The following LHPP variants were observed in gnomAD, a reference collection of about 807,000 sequenced individuals.
LHPP encodes hLHPP.
In LHPP, 24 loss-of-function variants were observed where a neutral mutation model predicts 30.3. The ratio of observed to expected loss-of-function variants is 0.79; its 90% CI spans 0.57 to 1.11. The LOEUF (loss-of-function observed/expected upper bound fraction) is 1.11, where lower values mean the gene tolerates loss of function less well. Among genes scored for constraint, LHPP ranks in the 50% most tolerant of loss-of-function variants. The pLI is 0.00. For synonymous variants in LHPP, 150 were observed against 157.1 expected, an observed-to-expected ratio of 0.95 and a Z score of 0.34; for missense variants, 356 against 367.2, an observed-to-expected ratio of 0.97 and a Z score of 0.25.
At chr10:124,526,011 G>A (rs1954723442) in intron 6 of LHPP, 2 of 176,092 alleles carry the variant, frequency 1.1e-5, no homozygotes, top group South Asian at 1.9e-4. Flanking sequence ...GGCCCAGAAG[G>A]TAGGACCCCT....
In LHPP at chr10:124,590,210, G is replaced by GT; in HGVS notation, c.717-23053dup. 6.6e-6 allele frequency among the ~76,000 whole-genome samples: 1 copy of GT among 152,254 alleles called. No individual in the cohort carries two copies. The highest frequency in any genetic ancestry group is 1.9e-4 in the East Asian group (1 of 5,174). On this transcript the variant is annotated intron_variant, in intron 6 of 6. Transcript: ENST00000368842. This position sits in a 1 kb window ranked among gnomAD's most constrained non-coding sequence, Gnocchi z 4.3. Reference sequence around the variant, plus strand: ...TGAAATTGAAGTGGGAGAACATGGTGTGTGAGCATTATTGGGGGTGGGGTG... The same window carrying GT: ...TGAAATTGAAGTGGGAGAACATGGTGTTGTGAGCATTATTGGGGGTGGGGTG...
rs1948887563 is a variant in LHPP at position 124,592,052 on chromosome 10, G to A, written c.717-21212G>A. Among the ~76,000 whole-genome samples, 1 of 152,158 alleles carries A rather than the reference G, an allele frequency of 6.6e-6. No individual in the cohort carries two copies. The highest frequency in any genetic ancestry group is 1.5e-5 in the Non-Finnish European group (1 of 68,026). On this transcript the variant is annotated intron_variant, in intron 6 of 6. Transcript: ENST00000368842. The surrounding 1 kb of genome is among the most constrained non-coding windows in gnomAD (Gnocchi z 6.2). ...CAAGTTTATATGGACAAATAAGCAA[G>A]TAAAATTAGTTAGGAAATCAAATAT... is the stretch of plus-strand genomic sequence containing the variant.
intron 6 of LHPP, among the ~76,000 whole-genome samples, chr10:124,587,022 TAC>T (rs368016500): frequency 2.1e-5 from 3 of 139,870 alleles, no homozygotes; most frequent in Non-Finnish European, 4.6e-5. Flanking sequence ...TAGTGCTTGC[TAC>T]TTTTTTTTTT....
Position 124,593,620 on chromosome 10 carries a change from T to C in LHPP, c.717-19644T>C, listed in dbSNP as rs372805910. ...AGTGGCCCCGAGTGAGGCACCACCA[T>C]GGACCTGATGGGCAGATCCCCCAGG... On this transcript the variant is annotated intron_variant, in intron 6 of 6. Coordinates refer to ENST00000368842, the MANE Select transcript of LHPP (RefSeq NM_022126.4). The surrounding 1 kb of genome is among the most constrained non-coding windows in gnomAD (Gnocchi z 4.9). Among the ~76,000 whole-genome samples the C allele has an allele frequency of 3.3e-5, 5 of 152,208 alleles. No homozygotes were observed. The South Asian group carries it at 8.3e-4, about 25-fold the overall frequency.
chr10:124,476,624 T>G (rs908135549), intron 1 of LHPP, among the ~76,000 whole-genome samples: 21 of 152,294 alleles, frequency 1.4e-4, no homozygotes, highest in African/African-American at 4.8e-4. Context: ...CAAGCTGGTG[T>G]GCTTCATGGT....
At chr10:124,605,870 A>C (rs1252441735) in intron 6 of LHPP, among the ~76,000 whole-genome samples, 1 of 151,750 alleles carries the variant, frequency 6.6e-6, no homozygotes, top group Non-Finnish European at 1.5e-5. Flanking sequence ...GGAAGGGAAC[A>C]GGCTTCAGCA....
At chr10:124,469,167 C>T (rs562285664) in intron 1 of LHPP, among the ~76,000 whole-genome samples, 25 of 152,088 alleles carry the variant, frequency 1.6e-4, no homozygotes, top group African/African-American at 5.8e-4. Context: ...TGAGACCAGC[C>T]GCCGCAGAGG....
intron 6 of LHPP, among the ~76,000 whole-genome samples, chr10:124,534,606 A>T (rs938141044): frequency 1.3e-5 from 2 of 152,234 alleles, no homozygotes. Flanking sequence ...AAAGCGGATC[A>T]CGTGAGGGGC....
rs1948940493 is a variant in LHPP, at chr10:124,596,225, A to G, written c.717-17039A>G. 6.6e-6 allele frequency among the ~76,000 whole-genome samples: 1 copy of G among 151,254 alleles called. No individual in the cohort carries two copies. Reference sequence around the variant, plus strand: ...AGAGCTGATCAGAACATATCTGTCCATGGCTCTTGGTGGACATAGCCTCAT... The same window carrying G: ...AGAGCTGATCAGAACATATCTGTCCGTGGCTCTTGGTGGACATAGCCTCAT... On this transcript the variant is annotated intron_variant, in intron 6 of 6. Transcript: ENST00000368842. The surrounding 1 kb of genome is among the most constrained non-coding windows in gnomAD (Gnocchi z 4.6).
intron 3 of LHPP, among the ~76,000 whole-genome samples, chr10:124,495,717 A>G (rs1953683962): frequency 6.6e-6 from 1 of 152,048 alleles, no homozygotes; most frequent in African/African-American, 2.4e-5. Flanking sequence ...TCCTTCCCCC[A>G]GCTCATCTTA....
intron 6 of LHPP, among the ~76,000 whole-genome samples, chr10:124,547,724 AC>A (rs1264398336): frequency 2.9e-5 from 4 of 137,046 alleles, no homozygotes; most frequent in Non-Finnish European, 5.9e-5. Context: ...CTCAGGCTGG[AC>A]CCAGCCCTGA....
chr10:124,494,690 C>T (rs1844146602), intron 3 of LHPP, among the ~76,000 whole-genome samples: 1 of 152,120 alleles, frequency 6.6e-6, no homozygotes, highest in African/African-American at 2.4e-5. Flanking sequence ...CCTTCACTTC[C>T]TTTTAGCTCA....
In LHPP at chr10:124,573,892, C is replaced by T. The variant is rs1409306332; in HGVS notation, c.717-39372C>T. Among the ~76,000 whole-genome samples, 14 of 152,126 alleles carry T rather than the reference C, an allele frequency of 9.2e-5. 1 individual carries two copies. The highest frequency in any genetic ancestry group is 2.0e-4 in the Admixed American group (3 of 15,286). On this transcript the variant is annotated intron_variant, in intron 6 of 6. Coordinates refer to ENST00000368842, the MANE Select transcript of LHPP (RefSeq NM_022126.4). ...CAGCTTGCCACACTTGACACCCAAACGCTGATTTTGTTTACATGAGACTCA... is the reference window on the plus strand; with the variant it reads ...CAGCTTGCCACACTTGACACCCAAATGCTGATTTTGTTTACATGAGACTCA...
In LHPP at chr10:124,593,329, T is replaced by A. The variant is rs1228590140; in HGVS notation, c.717-19935T>A. On this transcript the variant is annotated intron_variant, in intron 6 of 6. Coordinates refer to ENST00000368842, the MANE Select transcript of LHPP (RefSeq NM_022126.4). The surrounding 1 kb of genome is among the most constrained non-coding windows in gnomAD (Gnocchi z 4.9). Reference sequence around the variant, plus strand: ...CTGCGCTCTCGGGAGGGAAACAGACTCTTATCCTCTTAGGTACAGCCTCCC... The same window carrying A: ...CTGCGCTCTCGGGAGGGAAACAGACACTTATCCTCTTAGGTACAGCCTCCC... Among the ~76,000 whole-genome samples, 2 of 125,614 alleles carry A rather than the reference T, an allele frequency of 1.6e-5. No homozygotes were observed. Among genetic ancestry groups the A allele is most frequent in the Non-Finnish European group, 3.6e-5 (2 of 55,222 alleles). The allele number at this position is 125,614 out of a possible 152,430, so 82.4% of individuals were successfully genotyped here. A position where few individuals can be genotyped will look rare whatever the true frequency, so the allele number is the denominator to read the frequency against.
chr10:124,524,661 T>C (rs1954688848), intron 6 of LHPP, among the ~76,000 whole-genome samples: 2 of 152,090 alleles, frequency 1.3e-5, no homozygotes, highest in Non-Finnish European at 2.9e-5. Context: ...TAGCGAGACC[T>C]CATTTCTATT....
At chr10:124,603,976 G>A (rs1467784441) in intron 6 of LHPP, among the ~76,000 whole-genome samples, 2 of 152,254 alleles carry the variant, frequency 1.3e-5, no homozygotes, top group Non-Finnish European at 2.9e-5. Context: ...CAGGTGCCAT[G>A]TGAGCTCTTT....
At chr10:124,500,014 T>G (rs1214679663) in intron 5 of LHPP, among the ~76,000 whole-genome samples, 3 of 152,010 alleles carry the variant, frequency 2.0e-5, no homozygotes, top group Non-Finnish European at 2.9e-5. Flanking sequence ...TAACCTGGCT[T>G]TTTACTACCT....
intron 6 of LHPP, chr10:124,546,102 T>G (rs10751592): frequency 6.6e-6 from 1 of 152,280 alleles, no homozygotes; most frequent in Non-Finnish European, 1.5e-5. Flanking sequence ...ACAAGCTCTT[T>G]GAGGCAGAGT....
intron 6 of LHPP, among the ~76,000 whole-genome samples, chr10:124,564,542 C>T (rs1202069360): frequency 6.6e-6 from 1 of 152,202 alleles, no homozygotes; most frequent in Non-Finnish European, 1.5e-5. Flanking sequence ...GTGTGCCCCA[C>T]CGTGCCCAGC....
Sources: allele counts gnomAD v4.1 joint callset (sites outside exome capture counted in the v4.1 genomes callset), GRCh38; gene constraint gnomAD v4.1.1; non-coding constraint Gnocchi (gnomAD v3.1); transcripts MANE v1.5; gene names NCBI Gene and HGNC (gene_info 2026-07-23, HGNC 2026-07-21).